ADCY3: variants seen among roughly 807,000 people sequenced by gnomAD.
ADCY3 encodes adenylate cyclase 3.
Under a neutral mutation model 119.4 loss-of-function variants are expected in ADCY3, and 70 were observed. The observed-to-expected ratio is 0.59, with a 90% CI of 0.48 to 0.72. The LOEUF (loss-of-function observed/expected upper bound fraction) is 0.72, where lower values mean the gene tolerates loss of function less well. ADCY3 is among the 30% of genes least tolerant of loss of function. The pLI is 0.00. For synonymous variants in ADCY3, 672 were observed against 621.4 expected (o/e 1.08, Z -1.21); for missense variants, 1,238 against 1,541.6 (o/e 0.80, Z 3.30).
At chr2:24,902,909 T>C (rs1375510320) in intron 2 of ADCY3, among the ~76,000 whole-genome samples, 1 of 152,062 alleles carries the variant, frequency 6.6e-6, no homozygotes, top group Non-Finnish European at 1.5e-5. Context: ...CACATATTTG[T>C]GGTCCCAGGT....
intron 13 of ADCY3, 100 bp downstream of exon 13, chr2:24,830,609 G>A (rs985700829): frequency 5.5e-5 from 46 of 842,856 alleles, no homozygotes; most frequent in Admixed American, 8.6e-5. Flanking sequence ...GCTACATGAC[G>A]GTGGAGGGAT....
intron 2 of ADCY3, among the ~76,000 whole-genome samples, chr2:24,877,359 C>A (rs1675840266): frequency 6.6e-6 from 1 of 152,184 alleles, no homozygotes. Context: ...GACCTTCTGG[C>A]CCTAGATCCT....
At chr2:24,821,002 A>C (rs1667578085) in intron 20 of ADCY3, 154 bp from the exon 21 acceptor site, 5 of 1,082,608 alleles carry the variant, frequency 4.6e-6, no homozygotes, top group South Asian at 1.7e-5. Flanking sequence ...GAGGGTGGAA[A>C]TCACATCTCC....
chr2:24,876,096 G>T (rs1187419000), intron 2 of ADCY3, among the ~76,000 whole-genome samples: 2 of 152,026 alleles, frequency 1.3e-5, no homozygotes, highest in Admixed American at 1.3e-4. Flanking sequence ...GAGCTCAAGC[G>T]AACCTCCCAC....
At chr2:24,836,667 GC>G (rs1262618919) in intron 9 of ADCY3, among the ~76,000 whole-genome samples, 1 of 152,180 alleles carries the variant, frequency 6.6e-6, no homozygotes, top group Non-Finnish European at 1.5e-5. Flanking sequence ...GGCCATCAGA[GC>G]TACAAAGGCC....
At chr2:24,857,517 G>A (rs935564830) in intron 3 of ADCY3, among the ~76,000 whole-genome samples, 9 of 152,246 alleles carry the variant, frequency 5.9e-5, no homozygotes, top group Admixed American at 5.2e-4. Flanking sequence ...AATGTGGCTA[G>A]TGCTACTGAA....
chr2:24,841,624 C>T lies in ADCY3; in HGVS notation c.1000G>A (p.Ala334Thr). 6.2e-7 allele frequency: 1 copy of T among 1,613,688 alleles called. No individual in the cohort carries two copies. The highest frequency in any genetic ancestry group is 8.5e-7 in the Non-Finnish European group (1 of 1,180,008). ...TTCACAAGCTCCTGGGCACTGCAGGCAGAAGACAGCTGGGTAAAGCCCACG... is the reference window on the plus strand; with the variant it reads ...TTCACAAGCTCCTGGGCACTGCAGGTAGAAGACAGCTGGGTAAAGCCCACG... ...DIVGFTQLSS[A>T]CSAQELVKLL... The change falls in exon 5 of 22, where the codon GCC becomes ACC. Residue 334 changes from alanine to threonine, a missense_variant. Coordinates refer to ENST00000679454, the MANE Select transcript of ADCY3 (RefSeq NM_004036.5). This position sits in a 1 kb window ranked among gnomAD's most constrained non-coding sequence, Gnocchi z 5.8.
intron 3 of ADCY3, among the ~76,000 whole-genome samples, chr2:24,871,216 T>TAA (rs199608711): frequency 6.7e-6 from 1 of 149,402 alleles, no homozygotes. Flanking sequence ...GAGACAGTAT[T>TAA]AAAAAAAAAC....
chr2:24,901,398 T>C (rs750173942), intron 2 of ADCY3, among the ~76,000 whole-genome samples: 2 of 152,186 alleles, frequency 1.3e-5, no homozygotes, highest in African/African-American at 2.4e-5. Context: ...ACAGATAAAA[T>C]ATGGATGTGA....
At chr2:24,843,860 G>A (rs1671349734) in intron 3 of ADCY3, among the ~76,000 whole-genome samples, 1 of 152,254 alleles carries the variant, frequency 6.6e-6, no homozygotes, top group African/African-American at 2.4e-5. Flanking sequence ...GTGCTGCGGA[G>A]GCGAAGCCAG....
At chr2:24,831,578 G>T in intron 12 of ADCY3, 84 bp downstream of exon 12, 1 of 1,095,124 alleles carries the variant, frequency 9.1e-7, no homozygotes, top group Non-Finnish European at 1.4e-6. Flanking sequence ...TTGACAGAAA[G>T]AATAACTCCA....
chr2:24,827,830 T>G, intron 14 of ADCY3, 72 bp downstream of exon 14: 40 of 1,592,822 alleles, frequency 2.5e-5, no homozygotes, highest in Non-Finnish European at 3.4e-5. Flanking sequence ...CACAGGCCCA[T>G]GAGCTTGAAC....
In ADCY3 at chr2:24,836,905, C is replaced by A. The variant is rs201701611; in HGVS notation, c.1662+12G>T. On this transcript the variant is annotated intron_variant, in intron 9 of 21. Transcript: ENST00000679454. ...GCCCTCAGTGACCCCCTGCCCTGAGCCCTGCACATACCTGGGCATCCTGCT... is the reference window on the plus strand; with the variant it reads ...GCCCTCAGTGACCCCCTGCCCTGAGACCTGCACATACCTGGGCATCCTGCT... 3.9e-5 allele frequency: 63 copies of A among 1,608,584 alleles called. No individual in the cohort carries two copies. The highest frequency in any genetic ancestry group is 4.9e-5 in the Non-Finnish European group (58 of 1,178,114).
rs114549789 is a variant in ADCY3 at position 24,887,572 on chromosome 2, G to A, written c.676-14853C>T. ...GCCGTGATGGCTCCTGAGGGTGCCT[G>A]GTTCCCCCGGCATCTGGCTCTGTGG... On this transcript the variant is annotated intron_variant, in intron 2 of 21. Coordinates refer to ENST00000679454, the MANE Select transcript of ADCY3 (RefSeq NM_004036.5). 5.3e-3 allele frequency among the ~76,000 whole-genome samples: 809 copies of A among 152,112 alleles called. 8 individuals are homozygous for A. Among genetic ancestry groups the A allele is most frequent in the African/African-American group, 0.019 (768 of 41,492 alleles).
chr2:24,881,524 C>T (rs1022749621), intron 2 of ADCY3, among the ~76,000 whole-genome samples: 2 of 152,240 alleles, frequency 1.3e-5, no homozygotes, highest in African/African-American at 2.4e-5. Context: ...TGAGGCACAG[C>T]CTTCCCTCAG....
chr2:24,899,200 G>A lies in ADCY3; in HGVS notation c.675+19113C>T, dbSNP rs1465315476. On this transcript the variant is annotated intron_variant, in intron 2 of 21. Transcript: ENST00000679454. This position sits in a 1 kb window ranked among gnomAD's most constrained non-coding sequence, Gnocchi z 4.5. ...ACAGAGGCCCAGGGAGGTCAGCTGC[G>A]CTGCCCAGGGCCCCAGGCATCCAAC... Among the ~76,000 whole-genome samples, 1 of 152,078 alleles carries A rather than the reference G, an allele frequency of 6.6e-6. No individual in the cohort carries two copies. The highest frequency in any genetic ancestry group is 1.5e-5 in the Non-Finnish European group (1 of 68,010).
chr2:24,838,673 A>C, intron 7 of ADCY3, 51 bp from the exon 8 acceptor site: 1 of 1,606,908 alleles, frequency 6.2e-7, no homozygotes, highest in South Asian at 1.1e-5. Flanking sequence ...TGGCCCTCAC[A>C]CCCCCAGGGG....
chr2:24,844,612 T>G (rs1178752246), intron 3 of ADCY3, among the ~76,000 whole-genome samples: 1 of 152,184 alleles, frequency 6.6e-6, no homozygotes, highest in Non-Finnish European at 1.5e-5. Context: ...CCCCAGAGTC[T>G]GCTGTTGTAC....
chr2:24,905,221 C>G (rs1017461966), intron 2 of ADCY3, among the ~76,000 whole-genome samples: 2 of 151,586 alleles, frequency 1.3e-5, no homozygotes, highest in Admixed American at 6.6e-5. Context: ...ACAAGCTCTG[C>G]CCCCTGGGTT....
Sources: gnomAD v4.1 joint callset for allele counts (sites outside exome capture counted in the v4.1 genomes callset) on GRCh38, gnomAD v4.1.1 for gene constraint, Gnocchi (gnomAD v3.1) non-coding constraint, MANE v1.5 for transcripts, NCBI Gene and HGNC (gene_info 2026-07-23, HGNC 2026-07-21) for gene names.